The following PRKN variants were observed in gnomAD, a reference collection of about 807,000 sequenced individuals.
PRKN encodes the protein E3 ubiquitin-protein ligase parkin.
In PRKN, 56 loss-of-function variants were observed where a neutral mutation model predicts 59.5. The observed-to-expected ratio is 0.94, with a 90% CI of 0.76 to 1.18. PRKN has a LOEUF of 1.18. PRKN is among the 50% of genes most tolerant of loss of function. PRKN has a pLI of 0.00. For synonymous variants in PRKN, 250 were observed against 222.1 expected (o/e 1.13, Z -1.12); for missense variants, 657 against 596.4 (o/e 1.10, Z -1.06).
At chr6:162,168,405 C>A (rs1050011649) in intron 4 of PRKN, among the ~76,000 whole-genome samples, 5 of 151,016 alleles carry the variant, frequency 3.3e-5, no homozygotes, top group Non-Finnish European at 7.4e-5. Flanking sequence ...ATTAAGAGAA[C>A]TAAATTAAAG....
intron 1 of PRKN, among the ~76,000 whole-genome samples, chr6:162,445,201 C>T (rs1488413111): frequency 6.6e-6 from 1 of 152,120 alleles, no homozygotes; most frequent in Non-Finnish European, 1.5e-5. Flanking sequence ...TTTTCTAAGC[C>T]TCCCAGTGAT....
At chr6:162,710,077 G>A (rs1239958956) in intron 1 of PRKN, among the ~76,000 whole-genome samples, 1 of 152,156 alleles carries the variant, frequency 6.6e-6, no homozygotes, top group Non-Finnish European at 1.5e-5. Flanking sequence ...TGTGGCTGCT[G>A]AGCCAGGGGT....
intron 9 of PRKN, among the ~76,000 whole-genome samples, chr6:161,508,101 C>CA (rs1172707129): frequency 6.6e-6 from 1 of 152,126 alleles, no homozygotes; most frequent in African/African-American, 2.4e-5. Flanking sequence ...TTAAGTGCCA[C>CA]AGAGGACTAA....
chr6:161,891,068 T>C lies in PRKN; in HGVS notation c.734+82234A>G, dbSNP rs1795325347. On this transcript the variant is annotated intron_variant, in intron 6 of 11. Transcript: ENST00000366898. ...ACAACAATAACAATCACCGCTGTAA[T>C]AGAACACATTATGAGGGGGCATTCT... 3.3e-5 allele frequency among the ~76,000 whole-genome samples: 5 copies of C among 152,328 alleles called. No individual in the cohort carries two copies. The South Asian group carries it at 8.3e-4, about 25-fold the overall frequency.
chr6:162,161,386 AG>A (rs1252582821), intron 4 of PRKN, among the ~76,000 whole-genome samples: 1 of 152,234 alleles, frequency 6.6e-6, no homozygotes, highest in Non-Finnish European at 1.5e-5. Flanking sequence ...GAGGTATAGC[AG>A]CCCTCCCTTA....
intron 7 of PRKN, chr6:161,783,717 CAG>C: frequency 2.0e-6 from 1 of 495,086 alleles, no homozygotes; most frequent in Non-Finnish European, 3.9e-6. Flanking sequence ...AAAAGCATTA[CAG>C]AGTTTTCCAA....
chr6:161,634,461 T>C (rs1412709891), intron 7 of PRKN, among the ~76,000 whole-genome samples: 4 of 152,210 alleles, frequency 2.6e-5, no homozygotes. Flanking sequence ...AGAAAGTGTG[T>C]TCTTAGGAAA....
chr6:162,452,252 T>A (rs1460869999), intron 1 of PRKN, among the ~76,000 whole-genome samples: 1 of 152,078 alleles, frequency 6.6e-6, no homozygotes, highest in Admixed American at 6.5e-5. Flanking sequence ...AAATATCAAA[T>A]AAACTCTTCA....
intron 1 of PRKN, among the ~76,000 whole-genome samples, chr6:162,462,403 A>T (rs1453638658): frequency 2.0e-5 from 3 of 152,198 alleles, no homozygotes; most frequent in Non-Finnish European, 4.4e-5. Flanking sequence ...TCACAAAGGC[A>T]TCTTGAGTTC....
chr6:161,779,159 C>T (rs1166881731), intron 7 of PRKN, among the ~76,000 whole-genome samples: 3 of 151,994 alleles, frequency 2.0e-5, no homozygotes, highest in East Asian at 1.9e-4. Context: ...AGGCTGGTCT[C>T]GAACTGCTGA....
chr6:162,337,935 T>G (rs1363781618), intron 2 of PRKN, among the ~76,000 whole-genome samples: 1 of 152,132 alleles, frequency 6.6e-6, no homozygotes, highest in Non-Finnish European at 1.5e-5. Context: ...TTATTAATGT[T>G]ACATAATACA....
chr6:162,000,808 G>C (rs1782024901), intron 5 of PRKN, among the ~76,000 whole-genome samples: 1 of 150,410 alleles, frequency 6.6e-6, no homozygotes, highest in South Asian at 2.1e-4. Context: ...GACTATGAAA[G>C]TTTTAATTTT....
chr6:161,760,449 C>A (rs1229477873), intron 7 of PRKN, among the ~76,000 whole-genome samples: 1 of 151,548 alleles, frequency 6.6e-6, no homozygotes, highest in South Asian at 2.1e-4. Flanking sequence ...GTGGGACAGC[C>A]AGGTGGGAGG....
At chr6:162,694,255 A>AG (rs1554262858) in intron 1 of PRKN, among the ~76,000 whole-genome samples, 3 of 151,586 alleles carry the variant, frequency 2.0e-5, no homozygotes, top group African/African-American at 4.8e-5. Context: ...AAAAAAAAAA[A>AG]AAGAAGAAAT....
chr6:162,316,472 T>C (rs1782757483), intron 2 of PRKN, among the ~76,000 whole-genome samples: 1 of 152,138 alleles, frequency 6.6e-6, no homozygotes, highest in African/African-American at 2.4e-5. Context: ...CAGTCTATAA[T>C]AGAGAAAACC....
chr6:161,370,088 T>C (rs1187742987), intron 10 of PRKN: 5 of 353,110 alleles, frequency 1.4e-5, no homozygotes, highest in African/African-American at 6.2e-5. Flanking sequence ...TGGGAGTTTG[T>C]ACACATGGAA....
At chr6:162,532,450 A>T (rs1778553574) in intron 1 of PRKN, among the ~76,000 whole-genome samples, 1 of 152,168 alleles carries the variant, frequency 6.6e-6, no homozygotes, top group African/African-American at 2.4e-5. Context: ...GCACTTTAAG[A>T]GTCCCTTGGG....
chr6:162,414,075 C>G (rs552985857), intron 2 of PRKN, among the ~76,000 whole-genome samples: 4 of 151,958 alleles, frequency 2.6e-5, no homozygotes, highest in Non-Finnish European at 5.9e-5. Context: ...GCCAGCTACT[C>G]GGGAGGCTGA....
rs555078214 is a variant in PRKN, at chr6:161,752,468, C to A, written c.871+33304G>T. Among the ~76,000 whole-genome samples, 51 of 152,262 alleles carry A rather than the reference C, an allele frequency of 3.3e-4. 1 individual carries two copies. The highest frequency in any genetic ancestry group is 8.3e-4 in the South Asian group (4 of 4,824). Reference sequence around the variant, plus strand: ...CAGCACTTTGGGAGGCTGAGGCTGGCTAATGACCTGAGCCCAAAAGTTCAA... The same window carrying A: ...CAGCACTTTGGGAGGCTGAGGCTGGATAATGACCTGAGCCCAAAAGTTCAA... On this transcript the variant is annotated intron_variant, in intron 7 of 11. Coordinates refer to ENST00000366898, the MANE Select transcript of PRKN (RefSeq NM_004562.3).
Sources: allele counts gnomAD v4.1 joint callset (sites outside exome capture counted in the v4.1 genomes callset), GRCh38; gene constraint gnomAD v4.1.1; transcripts MANE v1.5; gene names NCBI Gene and HGNC (gene_info 2026-07-23, HGNC 2026-07-21).